Variants in COX16 observed in about 807,000 individuals in gnomAD.
COX16 encodes the protein cytochrome c oxidase assembly protein COX16 homolog, mitochondrial.
Under a neutral mutation model 15.4 loss-of-function variants are expected in COX16, and 12 were observed. The ratio of observed to expected loss-of-function variants is 0.78; its 90% CI spans 0.50 to 1.26. The LOEUF is 1.26. Among genes scored for constraint, COX16 ranks in the 50% most tolerant of loss-of-function variants. The pLI, the probability that COX16 is intolerant of heterozygous loss-of-function variation, is 0.00. For missense variants in COX16, 124 were observed against 127.6 expected (o/e 0.97, Z 0.14); for synonymous variants, 46 against 41.1 (o/e 1.12, Z -0.46).
chr14:70,326,419 TC>T lies in COX16; in HGVS notation c.234del (p.Trp78Ter). On this transcript the variant is annotated frameshift_variant, in exon 4 of 4. Transcript: ENST00000389912. LOFTEE classifies it high-confidence loss of function. ...CAAGGCCTGGGTCCTCGAATATTCT[TC>T]CAGTCATCAAACTTGGAGTCTTTGA... ...EKIKDSKFDD[W>X]KNIRGPRPWE... 1 of 1,593,910 alleles carries T rather than the reference TC, an allele frequency of 6.3e-7. No individual in the cohort carries two copies. The highest frequency in any genetic ancestry group is 8.5e-7 in the Non-Finnish European group (1 of 1,171,316).
At chr14:70,334,716 T>G (rs1348631524) in intron 2 of COX16, among the ~76,000 whole-genome samples, 1 of 152,020 alleles carries the variant, frequency 6.6e-6, no homozygotes, top group African/African-American at 2.4e-5. Flanking sequence ...ACAGATACAC[T>G]AAAAATAAAA....
At chr14:70,326,913 G>GAAAAGACTTTCCT (rs1233159614) in intron 3 of COX16, among the ~76,000 whole-genome samples, 1 of 152,138 alleles carries the variant, frequency 6.6e-6, no homozygotes, top group African/African-American at 2.4e-5. Context: ...GCTTAGGAAT[G>GAAAAGACTTTCCT]AAAAGACTTT....
intron 1 of COX16, among the ~76,000 whole-genome samples, chr14:70,352,172 G>A (rs1041952828): frequency 6.6e-6 from 1 of 152,054 alleles, no homozygotes; most frequent in Non-Finnish European, 1.5e-5. Context: ...TATAATACTG[G>A]TCTGTACTTT....
intron 2 of COX16, among the ~76,000 whole-genome samples, chr14:70,333,920 G>A (rs1886366845): frequency 6.6e-6 from 1 of 152,040 alleles, no homozygotes; most frequent in South Asian, 2.1e-4. Context: ...AGAAGAGAGT[G>A]GGACAATATA....
chr14:70,326,341 T>G lies in COX16; in HGVS notation c.313A>C (p.Thr105Pro). ...AAAAAGAATCAGCAGAGTCAAGTTG[T>G]CTTAGTCTTAAGGCTTTCTGGATTT... ...GRNPESLKTK[T>P]T Residue 105 changes from threonine to proline, a missense_variant, in exon 4 of 4, where the codon ACA becomes CCA. Coordinates refer to ENST00000389912, the MANE Select transcript of COX16 (RefSeq NM_016468.7). 6.6e-7 allele frequency: 1 copy of G among 1,520,360 alleles called. No individual in the cohort carries two copies. The highest frequency in any genetic ancestry group is 8.8e-7 in the Non-Finnish European group (1 of 1,135,318). 94.2% of individuals were successfully genotyped at this position (1,520,360 alleles called of 1,614,324 possible).
chr14:70,340,946 T>G (rs549202638), intron 2 of COX16, among the ~76,000 whole-genome samples: 1 of 152,314 alleles, frequency 6.6e-6, no homozygotes, highest in Admixed American at 6.5e-5. Context: ...ATATTATATG[T>G]CTGGGTACAT....
At chr14:70,333,690 C>T (rs1886360000) in intron 2 of COX16, among the ~76,000 whole-genome samples, 1 of 152,142 alleles carries the variant, frequency 6.6e-6, no homozygotes, top group Admixed American at 6.6e-5. Context: ...TAACAGAAAA[C>T]TTTCTAAACC....
intron 2 of COX16, among the ~76,000 whole-genome samples, chr14:70,335,603 TAAAA>T (rs58611844): frequency 7.3e-6 from 1 of 136,800 alleles, no homozygotes; most frequent in African/African-American, 2.7e-5. Context: ...ACCAAAGAGT[TAAAA>T]AAAAAAAAAA....
At position 70,329,256 on chromosome 14, in the gene COX16, G is replaced by A; in HGVS notation, c.142-20C>T. The A allele has an allele frequency of 6.5e-7, 1 of 1,533,556 alleles. No homozygotes were observed. Among genetic ancestry groups the A allele is most frequent in the Non-Finnish European group, 8.8e-7 (1 of 1,132,466 alleles). 95.0% of individuals were successfully genotyped at this position (1,533,556 alleles called of 1,614,324 possible). ...ATCCATCTGTAGAAAAGGAAAAAAA[G>A]TAATAAGTTATCTAAGTCTGTTTGT... On this transcript the variant is annotated intron_variant, in intron 2 of 3. Transcript: ENST00000389912.
At chr14:70,354,356 A>G (rs960548271) in intron 1 of COX16, among the ~76,000 whole-genome samples, 2 of 152,236 alleles carry the variant, frequency 1.3e-5, no homozygotes, top group African/African-American at 4.8e-5. Flanking sequence ...GCCATGCTGA[A>G]AAGTCCAGCC....
chr14:70,342,243 A>G (rs1294085237), intron 2 of COX16, among the ~76,000 whole-genome samples: 1 of 152,134 alleles, frequency 6.6e-6, no homozygotes, highest in African/African-American at 2.4e-5. Context: ...TCAGGAGTTC[A>G]AGACCAGCCT....
At chr14:70,329,415 C>T (rs529921603) in intron 2 of COX16, among the ~76,000 whole-genome samples, 179 bp from the exon 3 acceptor site, 358 of 151,990 alleles carry the variant, frequency 2.4e-3, no homozygotes, top group African/African-American at 8.1e-3. Context: ...CAGCATTATT[C>T]AACTAAAAAG....
At chr14:70,354,841 C>CGTGTGTGTGT (rs55646280) in intron 1 of COX16, among the ~76,000 whole-genome samples, 25,879 of 148,742 alleles carry the variant, frequency 0.17, 3,120 homozygotes, top group East Asian at 0.58. Context: ...TGTGTGTGTG[C>CGTGTGTGTGT]GTGTGTGTGT....
intron 2 of COX16, among the ~76,000 whole-genome samples, chr14:70,336,110 G>C (rs924362303): frequency 8.5e-5 from 13 of 152,192 alleles, no homozygotes; most frequent in Admixed American, 8.5e-4. Flanking sequence ...CAAAAAATTA[G>C]CCGGGCGTGG....
In COX16 at chr14:70,359,537, G is replaced by A. The variant is rs765932084; in HGVS notation, c.51C>T (p.Gly17=). Residue 17 remains glycine, a synonymous_variant, in exon 1 of 4, where the codon GGC becomes GGT. Coordinates refer to ENST00000389912, the MANE Select transcript of COX16 (RefSeq NM_016468.7). The part of the protein sequence containing the change: ...MRAFRKNKTL[G]YGVPMLLLIV... Reference sequence around the variant, plus strand: ...CACTCACCAACATGGGGACTCCATAGCCGAGAGTCTTGTTCTTGCGAAAAG... The same window carrying A: ...CACTCACCAACATGGGGACTCCATAACCGAGAGTCTTGTTCTTGCGAAAAG... 8.1e-6 allele frequency: 13 copies of A among 1,613,922 alleles called. No homozygotes were observed. In the Admixed American group the frequency reaches 1.0e-4, roughly 12 times the overall value.
At chr14:70,337,325 T>G (rs1423187899) in intron 2 of COX16, among the ~76,000 whole-genome samples, 1 of 152,058 alleles carries the variant, frequency 6.6e-6, no homozygotes, top group East Asian at 2.0e-4. Flanking sequence ...GAAAGGCTTA[T>G]CCTTTTTTCT....
intron 1 of COX16, among the ~76,000 whole-genome samples, chr14:70,355,848 G>A (rs1465688927): frequency 1.3e-5 from 2 of 152,124 alleles, no homozygotes; most frequent in East Asian, 3.9e-4. Flanking sequence ...GATCCCTCAC[G>A]AAAGGCTTGA....
intron 2 of COX16, among the ~76,000 whole-genome samples, chr14:70,333,168 A>T (rs890898749): frequency 6.6e-6 from 1 of 152,172 alleles, no homozygotes; most frequent in Non-Finnish European, 1.5e-5. Context: ...ATGTGCACAA[A>T]CTGTCACATT....
Position 70,342,045 on chromosome 14 carries a change from T to C in COX16, c.141+613A>G, listed in dbSNP as rs535290550. Among the ~76,000 whole-genome samples the C allele has an allele frequency of 4.6e-5, 7 of 152,298 alleles. No individual in the cohort carries two copies. The South Asian group carries it at 1.4e-3, about 32-fold the overall frequency. On this transcript the variant is annotated intron_variant, in intron 2 of 3. Transcript: ENST00000389912. ...TTAAGAGAAATAAAATAAAGCAAAA[T>C]TATTGACCTCTGTTTTTTAATCCCT...
Sources: gnomAD v4.1 joint callset for allele counts (sites outside exome capture counted in the v4.1 genomes callset) on GRCh38, gnomAD v4.1.1 for gene constraint, MANE v1.5 for transcripts, NCBI Gene and HGNC (gene_info 2026-07-23, HGNC 2026-07-21) for gene names.